The following OTUD7A variants were observed in gnomAD, a reference collection of about 807,000 sequenced individuals.
OTUD7A encodes OTU deubiquitinase 7A.
Under a neutral mutation model 65.7 loss-of-function variants are expected in OTUD7A, and 12 were observed. That is an observed-to-expected ratio of 0.18 (90% CI 0.12 to 0.30). The LOEUF (loss-of-function observed/expected upper bound fraction) is 0.30, where lower values mean the gene tolerates loss of function less well. Ranked by LOEUF, OTUD7A falls within the 10% of genes least tolerant of loss-of-function variation. The pLI, the probability that OTUD7A is intolerant of heterozygous loss-of-function variation, is 1.00. For synonymous variants in OTUD7A, 641 were observed against 586.3 expected (o/e 1.09, Z -1.35); for missense variants, 1,148 against 1,304.8 (o/e 0.88, Z 1.85).
rs572031203 is a variant in OTUD7A, at chr15:31,716,080, C to T, written c.-99-59003G>A. On this transcript the variant is annotated intron_variant, in intron 1 of 12. Transcript: ENST00000307050. Reference sequence around the variant, plus strand: ...ATAATTTATAATATAAATATAAAAACGATTTTTTGGCAGAAACCCAAAGAA... The same window carrying T: ...ATAATTTATAATATAAATATAAAAATGATTTTTTGGCAGAAACCCAAAGAA... Among the ~76,000 whole-genome samples the T allele has an allele frequency of 4.1e-3, 437 of 106,580 alleles. 1 individual carries two copies. The highest frequency in any genetic ancestry group is 0.013 in the African/African-American group (417 of 33,272). 69.9% of individuals were successfully genotyped at this position (106,580 alleles called of 152,430 possible). A position where few individuals can be genotyped will look rare whatever the true frequency, so the allele number is the denominator to read the frequency against.
intron 1 of OTUD7A, among the ~76,000 whole-genome samples, chr15:31,841,418 A>C (rs1171843500): frequency 1.3e-5 from 2 of 152,112 alleles, no homozygotes; most frequent in African/African-American, 4.8e-5. Context: ...GACACAAGGA[A>C]GCCTCGAGGA....
intron 1 of OTUD7A, among the ~76,000 whole-genome samples, chr15:31,809,892 A>T (rs1314349082): frequency 6.6e-6 from 1 of 152,264 alleles, no homozygotes; most frequent in Non-Finnish European, 1.5e-5. Context: ...TCCTGTGTAT[A>T]ACTATTTCTT....
intron 3 of OTUD7A, among the ~76,000 whole-genome samples, chr15:31,601,138 C>A (rs919173526): frequency 6.6e-6 from 1 of 152,130 alleles, no homozygotes; most frequent in Non-Finnish European, 1.5e-5. Context: ...ACTCTCCACC[C>A]CAAATCGACA....
At chr15:31,577,609 G>C (rs1172780080) in intron 3 of OTUD7A, among the ~76,000 whole-genome samples, 2 of 151,980 alleles carry the variant, frequency 1.3e-5, no homozygotes. Flanking sequence ...TGATCACCTT[G>C]GGCGCTTGTT....
At chr15:31,492,514 GCTGCAGTGAGAGC>G (rs1373729966) in intron 10 of OTUD7A, among the ~76,000 whole-genome samples, 2 of 151,224 alleles carry the variant, frequency 1.3e-5, no homozygotes, top group East Asian at 3.9e-4. Context: ...GGAGGCGGAG[GCTGCAGTGAGAGC>G]CTGCAAGATC....
chr15:31,849,033 T>C (rs939331501), intron 1 of OTUD7A, among the ~76,000 whole-genome samples: 2 of 152,238 alleles, frequency 1.3e-5, no homozygotes, highest in Non-Finnish European at 2.9e-5. Context: ...ATGCTGAATA[T>C]TGGCCCCCAC....
chr15:31,793,579 C>T (rs1459542945), intron 1 of OTUD7A, among the ~76,000 whole-genome samples: 2 of 152,228 alleles, frequency 1.3e-5, no homozygotes, highest in African/African-American at 2.4e-5. Context: ...AATTACAATA[C>T]TGGAAGGGGT....
intron 6 of OTUD7A, among the ~76,000 whole-genome samples, chr15:31,529,623 T>TG (rs1365932193): frequency 6.6e-6 from 1 of 152,202 alleles, no homozygotes; most frequent in African/African-American, 2.4e-5. Context: ...AGGTCAAGCC[T>TG]GGGGAATGCT....
intron 1 of OTUD7A, among the ~76,000 whole-genome samples, chr15:31,663,606 A>T (rs1333735941): frequency 3.9e-5 from 6 of 152,142 alleles, no homozygotes; most frequent in Non-Finnish European, 5.9e-5. Flanking sequence ...CCTGCAAAGG[A>T]CATGATCTGT....
intron 1 of OTUD7A, among the ~76,000 whole-genome samples, chr15:31,783,134 C>T (rs1189151399): frequency 6.6e-6 from 1 of 152,144 alleles, no homozygotes; most frequent in East Asian, 1.9e-4. Flanking sequence ...AACCAAAAAG[C>T]AGTGGCATTC....
chr15:31,493,789 C>T (rs896921284), intron 10 of OTUD7A, among the ~76,000 whole-genome samples: 5 of 152,248 alleles, frequency 3.3e-5, no homozygotes, highest in South Asian at 4.1e-4. Flanking sequence ...GGGAAATTAA[C>T]GAATAGTTTG....
chr15:31,588,647 G>A (rs1257068718), intron 3 of OTUD7A, among the ~76,000 whole-genome samples: 1 of 152,134 alleles, frequency 6.6e-6, no homozygotes, highest in East Asian at 1.9e-4. Context: ...AACACAAAAG[G>A]CCTATTCCTT....
At chr15:31,669,911 C>T (rs71399725) in intron 1 of OTUD7A, among the ~76,000 whole-genome samples, 5,480 of 119,470 alleles carry the variant, frequency 0.046, 22 homozygotes, top group African/African-American at 0.061. Context: ...GCAAACAGAC[C>T]TTCAATTTCT....
intron 1 of OTUD7A, among the ~76,000 whole-genome samples, chr15:31,824,721 A>C (rs1896760091): frequency 6.6e-6 from 1 of 152,208 alleles, no homozygotes; most frequent in African/African-American, 2.4e-5. Flanking sequence ...CAAGGTTTAC[A>C]TCATTTACAT....
At chr15:31,702,959 A>G (rs909459438) in intron 1 of OTUD7A, among the ~76,000 whole-genome samples, 21 of 152,012 alleles carry the variant, frequency 1.4e-4, no homozygotes, top group Middle Eastern at 6.8e-3. Context: ...AGAGGTGAAA[A>G]AGCAACTTGA....
intron 3 of OTUD7A, among the ~76,000 whole-genome samples, chr15:31,621,078 T>C (rs1890764166): frequency 6.6e-6 from 1 of 150,856 alleles, no homozygotes; most frequent in East Asian, 1.9e-4. Context: ...TGAGCGGTTT[T>C]GAGAGAGTTT....
In OTUD7A at chr15:31,803,400, GCTT is replaced by G. The variant is rs1896186413; in HGVS notation, c.-100+67104_-100+67106del. Among the ~76,000 whole-genome samples the G allele has an allele frequency of 2.0e-5, 3 of 152,198 alleles. No homozygotes were observed. The South Asian group carries it at 6.2e-4, about 32-fold the overall frequency. On this transcript the variant is annotated intron_variant, in intron 1 of 12. Coordinates refer to ENST00000307050, the MANE Select transcript of OTUD7A (RefSeq NM_001382637.1). ...CTTAAAGATTGTATATTTTAAGCTT[GCTT>G]CTTATTGTCCCCAAGACACTGATGG...
At chr15:31,767,992 T>C (rs1895133705) in intron 1 of OTUD7A, 2 of 1,583,856 alleles carry the variant, frequency 1.3e-6, no homozygotes, top group Admixed American at 1.7e-5. Context: ...TCAACAGTTG[T>C]TGCCTTGTAA....
chr15:31,866,113 G>T (rs1439397315), intron 1 of OTUD7A, among the ~76,000 whole-genome samples: 2 of 152,242 alleles, frequency 1.3e-5, no homozygotes. Context: ...GCATTAATGT[G>T]TATTTGACTT....
Sources: allele counts gnomAD v4.1 joint callset (sites outside exome capture counted in the v4.1 genomes callset), GRCh38; gene constraint gnomAD v4.1.1; transcripts MANE v1.5; gene names NCBI Gene and HGNC (gene_info 2026-07-23, HGNC 2026-07-21).